Variants in ZNF496 observed in about 807,000 individuals in gnomAD.
ZNF496 encodes the protein NSD1 (nuclear receptor binding SET-domain containing 1)-interacting zinc finger protein 1.
Under a neutral mutation model 58.9 loss-of-function variants are expected in ZNF496, and 11 were observed. The ratio of observed to expected loss-of-function variants is 0.19; its 90% CI spans 0.12 to 0.31. The LOEUF is 0.31. Among genes scored for constraint, ZNF496 ranks in the 10% least tolerant of loss-of-function variants. The pLI is 1.00. For missense variants in ZNF496, 660 were observed against 783.0 expected, an observed-to-expected ratio of 0.84 and a Z score of 1.88; for synonymous variants, 338 against 318.2, an observed-to-expected ratio of 1.06 and a Z score of -0.66.
At position 247,309,302 on chromosome 1, in the gene ZNF496, A is replaced by G; in HGVS notation, c.892+397T>C. ...TGTACCAGGCAGATGGGAAGACTAG[A>G]CAGGTGAGGCACCTCAAAGGGCTGC... On this transcript the variant is annotated intron_variant, in intron 8 of 9. Transcript: ENST00000682384. The surrounding 1 kb of genome is among the most constrained non-coding windows in gnomAD (Gnocchi z 4.3). 1.2e-6 allele frequency: 1 copy of G among 803,952 alleles called. No individual in the cohort carries two copies. Among genetic ancestry groups the G allele is most frequent in the African/African-American group, 1.9e-5 (1 of 53,972 alleles). 49.8% of individuals were successfully genotyped at this position (803,952 alleles called of 1,614,324 possible).
chr1:247,326,063 C>CAT (rs1553273478), intron 5 of ZNF496, among the ~76,000 whole-genome samples: 54,383 of 145,334 alleles, frequency 0.37, 10,448 homozygotes, highest in East Asian at 0.5. Flanking sequence ...CACACACACA[C>CAT]ATATATACAC....
intron 5 of ZNF496, among the ~76,000 whole-genome samples, chr1:247,324,006 T>TG (rs1304919157): frequency 7.0e-6 from 1 of 142,136 alleles, no homozygotes; most frequent in Non-Finnish European, 1.5e-5. Context: ...GCCTGAGAGA[T>TG]GGAGGCTGCA....
At position 247,331,495 on chromosome 1, in the gene ZNF496, G is replaced by A. The variant is rs893291047; in HGVS notation, c.-217C>T. ...ACCCTCCTGTGGCGGCGGAAGTCCA[G>A]GGCAGCCGTCCTCATCCTCCCAGCC... On this transcript the variant is annotated 5_prime_UTR_variant, in exon 2 of 10. Transcript: ENST00000682384. 3 of 152,212 alleles carry A rather than the reference G, an allele frequency of 2.0e-5. No homozygotes were observed. The highest frequency in any genetic ancestry group is 7.2e-5 in the African/African-American group (3 of 41,444). 9.4% of individuals were successfully genotyped at this position (152,212 alleles called of 1,614,324 possible). A position where few individuals can be genotyped will look rare whatever the true frequency, so the allele number is the denominator to read the frequency against.
intron 5 of ZNF496, among the ~76,000 whole-genome samples, chr1:247,324,026 A>T (rs1002395696): frequency 3.3e-5 from 5 of 149,428 alleles, no homozygotes; most frequent in African/African-American, 4.9e-5. Context: ...AGTGAGCCAC[A>T]GCTGCACCAC....
intron 5 of ZNF496, among the ~76,000 whole-genome samples, 160 bp downstream of exon 5, chr1:247,328,523 A>C (rs1660213297): frequency 6.6e-6 from 1 of 152,178 alleles, no homozygotes; most frequent in African/African-American, 2.4e-5. Context: ...TAATTGCTCT[A>C]GGAAGGGACT....
chr1:247,327,886 G>A (rs1022890667), intron 5 of ZNF496, among the ~76,000 whole-genome samples: 10 of 152,090 alleles, frequency 6.6e-5, no homozygotes, highest in South Asian at 2.1e-4. Context: ...AGGAACCCAC[G>A]GGCCAGACTT....
intron 5 of ZNF496, among the ~76,000 whole-genome samples, chr1:247,327,140 C>T (rs1262131135): frequency 6.6e-6 from 1 of 152,210 alleles, no homozygotes; most frequent in African/African-American, 2.4e-5. Flanking sequence ...TCTCAGCTCA[C>T]TGCAATCTCC....
rs1300129188 is a variant in ZNF496 at position 247,299,860 on chromosome 1, A to G, written c.*659T>C. ...ATGACGACTGTTTCCAAACCTCAAGAAGGAGCTCTGCAGACCCCTGCCACA... is the reference window on the plus strand; with the variant it reads ...ATGACGACTGTTTCCAAACCTCAAGGAGGAGCTCTGCAGACCCCTGCCACA... On this transcript the variant is annotated 3_prime_UTR_variant, in exon 10 of 10. Transcript: ENST00000682384. The G allele has an allele frequency of 6.6e-6, 1 of 152,124 alleles. No individual in the cohort carries two copies. Among genetic ancestry groups the G allele is most frequent in the Non-Finnish European group, 1.5e-5 (1 of 68,018 alleles). 9.4% of individuals were successfully genotyped at this position (152,124 alleles called of 1,614,324 possible). A position where few individuals can be genotyped will look rare whatever the true frequency, so the allele number is the denominator to read the frequency against.
chr1:247,329,505 G>A lies in ZNF496; in HGVS notation c.74C>T (p.Pro25Leu), dbSNP rs1303981211. 12 of 1,587,962 alleles carry A rather than the reference G, an allele frequency of 7.6e-6. No homozygotes were observed. Among genetic ancestry groups the A allele is most frequent in the Non-Finnish European group, 1.0e-5 (12 of 1,171,396 alleles). ...SEEPRKMRSPPGENPSPQGEL... is the reference protein window; with the variant it reads ...SEEPRKMRSPLGENPSPQGEL... ...CCCCTGGGGGCTAGGGTTCTCTCCA[G>A]GTGGGCTCCTCATTTTCCTGGGCTC... The change falls in exon 4 of 10, where the codon CCT (proline) becomes CTT (leucine). Residue 25 changes from proline to leucine, a missense_variant. Coordinates refer to ENST00000682384, the MANE Select transcript of ZNF496 (RefSeq NM_032752.3). This position sits in a 1 kb window ranked among gnomAD's most constrained non-coding sequence, Gnocchi z 5.5.
chr1:247,309,768 C>T lies in ZNF496; in HGVS notation c.823G>A (p.Glu275Lys), dbSNP rs1254605484. 5 of 1,614,062 alleles carry T rather than the reference C, an allele frequency of 3.1e-6. 1 individual carries two copies. The highest frequency in any genetic ancestry group is 4.2e-6 in the Non-Finnish European group (5 of 1,180,042). ...AACTCTGGAACGCGTGGCTCATTCTCCTCTCCCTGGGAGAGATCTGGCTGG... is the reference window on the plus strand; with the variant it reads ...AACTCTGGAACGCGTGGCTCATTCTTCTCTCCCTGGGAGAGATCTGGCTGG... ...AAQPDLSQGEENEPRVPELQD... is the reference protein window; with the variant it reads ...AAQPDLSQGEKNEPRVPELQD... Residue 275 changes from glutamate (E) to lysine (K), a missense_variant, in exon 8 of 10, where the codon GAG (glutamate) becomes AAG (lysine). Glu to Lys is a moderately conservative substitution (Grantham distance 56). Transcript: ENST00000682384. The surrounding 1 kb of genome is among the most constrained non-coding windows in gnomAD (Gnocchi z 4.3).
At chr1:247,315,994 C>T (rs924014420) in intron 6 of ZNF496, among the ~76,000 whole-genome samples, 5 of 152,012 alleles carry the variant, frequency 3.3e-5, no homozygotes, top group African/African-American at 1.2e-4. Context: ...AAACAGGCCT[C>T]GGGAAGCCAC....
chr1:247,309,610 G>C lies in ZNF496; in HGVS notation c.892+89C>G. The C allele has an allele frequency of 6.4e-7, 1 of 1,551,860 alleles. No homozygotes were observed. Among genetic ancestry groups the C allele is most frequent in the Non-Finnish European group, 8.7e-7 (1 of 1,147,738 alleles). ...GAAATGAAGAAGGCAATTAGGGGCC[G>C]CAGAGAGAAGCCAGAGAGTGGGCTC... On this transcript the variant is annotated intron_variant, in intron 8 of 9. Transcript: ENST00000682384. The surrounding 1 kb of genome is among the most constrained non-coding windows in gnomAD (Gnocchi z 4.3).
At chr1:247,314,965 G>A (rs550944407) in intron 6 of ZNF496, among the ~76,000 whole-genome samples, 4 of 151,626 alleles carry the variant, frequency 2.6e-5, no homozygotes, top group East Asian at 3.9e-4. Context: ...TTGCCAGGCC[G>A]GTCTTGAGCT....
rs1187283992 is a variant in ZNF496 at position 247,298,004 on chromosome 1, C to T, written c.*2515G>A. Reference sequence around the variant, plus strand: ...ACGTCTGAAGCAGGAAGGTGAATAACCTTCCCAAGACCTTAGAGCTACAGA... The same window carrying T: ...ACGTCTGAAGCAGGAAGGTGAATAATCTTCCCAAGACCTTAGAGCTACAGA... On this transcript the variant is annotated 3_prime_UTR_variant, in exon 10 of 10. Transcript: ENST00000682384. 3 of 152,176 alleles carry T rather than the reference C, an allele frequency of 2.0e-5. No homozygotes were observed. Among genetic ancestry groups the T allele is most frequent in the African/African-American group, 7.2e-5 (3 of 41,432 alleles). The allele number at this position is 152,176 out of a possible 1,614,324, so 9.4% of individuals were successfully genotyped here.
intron 6 of ZNF496, chr1:247,312,369 A>G (rs969759845): frequency 2.0e-5 from 3 of 152,214 alleles, no homozygotes; most frequent in African/African-American, 7.2e-5. Context: ...CTGGGACCTC[A>G]TAAGAATAGC....
chr1:247,328,273 A>T (rs1660203472), intron 5 of ZNF496, among the ~76,000 whole-genome samples: 1 of 152,180 alleles, frequency 6.6e-6, no homozygotes, highest in South Asian at 2.1e-4. Context: ...TGTAAACAGG[A>T]GTTGTTTAGC....
At chr1:247,310,579 G>A in intron 6 of ZNF496, 123 bp from the exon 7 acceptor site, 1 of 1,306,066 alleles carries the variant, frequency 7.7e-7, no homozygotes, top group Non-Finnish European at 1.0e-6. Context: ...ACAGAAATCT[G>A]TTCCTCACAG....
At chr1:247,328,901 G>T (rs2103034533) in intron 4 of ZNF496, 35 bp from the exon 5 acceptor site, 1 of 1,555,720 alleles carries the variant, frequency 6.4e-7, no homozygotes. Flanking sequence ...AGGGCTAGGG[G>T]AAGAGGTCCC....
Position 247,328,673 on chromosome 1 carries a change from G to C in ZNF496, c.574+10C>G. 6.4e-7 allele frequency: 1 copy of C among 1,570,018 alleles called. No individual in the cohort carries two copies. Among genetic ancestry groups the C allele is most frequent in the Non-Finnish European group, 8.6e-7 (1 of 1,158,078 alleles). Reference sequence around the variant, plus strand: ...AGATCACCCCTGCTACACTCCCCTGGGCTGCATACCTGGGTCCCCGCTGAG... The same window carrying C: ...AGATCACCCCTGCTACACTCCCCTGCGCTGCATACCTGGGTCCCCGCTGAG... On this transcript the variant is annotated intron_variant, in intron 5 of 9. Coordinates refer to ENST00000682384, the MANE Select transcript of ZNF496 (RefSeq NM_032752.3).
Sources: gnomAD v4.1 joint callset for allele counts (sites outside exome capture counted in the v4.1 genomes callset) on GRCh38, gnomAD v4.1.1 for gene constraint, Gnocchi (gnomAD v3.1) non-coding constraint, MANE v1.5 for transcripts, NCBI Gene and HGNC (gene_info 2026-07-23, HGNC 2026-07-21) for gene names.